The following CDR2 variants were observed in gnomAD, a reference collection of about 807,000 sequenced individuals.
CDR2 encodes the protein cerebellar degeneration-related protein 2.
CDR2 carries 34 observed loss-of-function variants against 48.4 expected under a neutral mutation model. That is an observed-to-expected ratio of 0.70 (90% CI 0.53 to 0.94). The LOEUF is 0.94. CDR2 is among the 40% of genes least tolerant of loss of function. The pLI, the probability that CDR2 is intolerant of heterozygous loss-of-function variation, is 0.00. For missense variants in CDR2, 498 were observed against 549.5 expected (o/e 0.91, Z 0.94); for synonymous variants, 240 against 219.7 (o/e 1.09, Z -0.82).
rs1395294833 is a variant in CDR2 at position 22,374,509 on chromosome 16, C to G, written c.-200G>C. The G allele has an allele frequency of 8.7e-6, 2 of 229,976 alleles. No homozygotes were observed. The highest frequency in any genetic ancestry group is 1.7e-5 in the Non-Finnish European group (2 of 119,838). 14.2% of individuals were successfully genotyped at this position (229,976 alleles called of 1,614,324 possible). On this transcript the variant is annotated 5_prime_UTR_variant, in exon 1 of 5. Transcript: ENST00000268383. ...GCCGGCTGCCTCGACTCGCCTCGCG[C>G]CTACCGACGGCCCCAACGGCCGGGC...
chr16:22,360,568 G>C (rs1369732831), intron 2 of CDR2, among the ~76,000 whole-genome samples: 3 of 151,758 alleles, frequency 2.0e-5, no homozygotes, highest in Non-Finnish European at 4.4e-5. Context: ...AGAATCTTAG[G>C]GATCTTGTCC....
intron 2 of CDR2, among the ~76,000 whole-genome samples, chr16:22,355,399 G>C (rs918788881): frequency 6.6e-6 from 1 of 152,242 alleles, no homozygotes; most frequent in Non-Finnish European, 1.5e-5. Flanking sequence ...GCAGTTCTTA[G>C]CCTGGGGTCC....
At chr16:22,358,239 A>T (rs2048989094) in intron 2 of CDR2, among the ~76,000 whole-genome samples, 1 of 152,176 alleles carries the variant, frequency 6.6e-6, no homozygotes, top group Non-Finnish European at 1.5e-5. Context: ...TCTCTTTGAT[A>T]CACAGCCTCC....
intron 4 of CDR2, among the ~76,000 whole-genome samples, chr16:22,348,995 A>C (rs1172351519): frequency 6.6e-6 from 1 of 152,172 alleles, no homozygotes; most frequent in African/African-American, 2.4e-5. Flanking sequence ...TCTTCACTCT[A>C]ATGTAAAACA....
chr16:22,351,178 C>T (rs2048939180), intron 2 of CDR2, among the ~76,000 whole-genome samples: 1 of 152,170 alleles, frequency 6.6e-6, no homozygotes, highest in South Asian at 2.1e-4. Flanking sequence ...CATGTCCCTG[C>T]AAAGGACATG....
intron 2 of CDR2, among the ~76,000 whole-genome samples, chr16:22,361,365 T>G (rs187474915): frequency 6.6e-6 from 1 of 152,378 alleles, no homozygotes; most frequent in African/African-American, 2.4e-5. Context: ...AGGGCCCTTA[T>G]AAAGTTTAGG....
At chr16:22,354,766 C>T (rs1218607091) in intron 2 of CDR2, among the ~76,000 whole-genome samples, 4 of 151,790 alleles carry the variant, frequency 2.6e-5, no homozygotes, top group East Asian at 1.9e-4. Context: ...TGGTGGCACA[C>T]GCCTGTAGTC....
chr16:22,368,585 C>T (rs1351649956), intron 1 of CDR2, among the ~76,000 whole-genome samples: 1 of 152,158 alleles, frequency 6.6e-6, no homozygotes, highest in African/African-American at 2.4e-5. Flanking sequence ...ATGAGACAGC[C>T]TGAAGCACAA....
chr16:22,374,176 G>T, intron 1 of CDR2, 55 bp downstream of exon 1: 2 of 1,173,540 alleles, frequency 1.7e-6, no homozygotes, highest in East Asian at 2.7e-5. Context: ...CAGTTTCGCA[G>T]CGGGGGCCTC....
At chr16:22,365,275 TG>T in intron 1 of CDR2, 1 of 316,420 alleles carries the variant, frequency 3.2e-6, no homozygotes, top group Non-Finnish European at 5.9e-6. Context: ...TGTTCAGGAA[TG>T]ATCATTCCGC....
chr16:22,358,015 A>T (rs540912820), intron 2 of CDR2, among the ~76,000 whole-genome samples: 63 of 152,324 alleles, frequency 4.1e-4, no homozygotes, highest in Non-Finnish European at 8.4e-4. Context: ...CTTCTCCAAG[A>T]TTCAGTTATA....
At chr16:22,359,282 AC>A (rs752566090) in intron 2 of CDR2, among the ~76,000 whole-genome samples, 1 of 151,890 alleles carries the variant, frequency 6.6e-6, no homozygotes, top group Non-Finnish European at 1.5e-5. Context: ...GCCCGCCACC[AC>A]GCCCAGCTAA....
intron 1 of CDR2, among the ~76,000 whole-genome samples, chr16:22,368,385 T>C (rs1376437290): frequency 2.0e-5 from 3 of 152,112 alleles, no homozygotes; most frequent in Non-Finnish European, 4.4e-5. Flanking sequence ...AATTTTTGTA[T>C]TGTTAGTAGA....
At chr16:22,371,848 A>G (rs1298025419) in intron 1 of CDR2, among the ~76,000 whole-genome samples, 8 of 148,554 alleles carry the variant, frequency 5.4e-5, no homozygotes, top group South Asian at 2.2e-4. Context: ...AGGTTCAGAT[A>G]TGTGTGTGTG....
In CDR2 at chr16:22,349,451, GAACA is replaced by G; in HGVS notation, c.342-12_342-9del. Reference sequence around the variant, plus strand: ...TCAATCGTTTCAGTCAGGCTGTGAGGAACAGACAGAAGCCACTGCTGCTTGTCAT... The same window carrying G: ...TCAATCGTTTCAGTCAGGCTGTGAGGGACAGAAGCCACTGCTGCTTGTCAT... On this transcript the variant is annotated splice_polypyrimidine_tract_variant and intron_variant, in intron 3 of 4. Transcript: ENST00000268383. The G allele has an allele frequency of 6.2e-7, 1 of 1,613,960 alleles. No homozygotes were observed. Among genetic ancestry groups the G allele is most frequent in the Non-Finnish European group, 8.5e-7 (1 of 1,179,944 alleles).
intron 2 of CDR2, among the ~76,000 whole-genome samples, chr16:22,363,798 C>A (rs923688556): frequency 1.3e-5 from 2 of 152,144 alleles, no homozygotes; most frequent in Admixed American, 1.3e-4. Context: ...CCGTGATTAT[C>A]TTTACAGTCA....
At position 22,346,957 on chromosome 16, in the gene CDR2, A is replaced by C. The variant is rs1473753872; in HGVS notation, c.*8T>G. 1.2e-6 allele frequency: 2 copies of C among 1,603,488 alleles called. No homozygotes were observed. Among genetic ancestry groups the C allele is most frequent in the East Asian group, 2.2e-5 (1 of 44,604 alleles). On this transcript the variant is annotated 3_prime_UTR_variant, in exon 5 of 5. Coordinates refer to ENST00000268383, the MANE Select transcript of CDR2 (RefSeq NM_001802.2). ...ATAGGCAAATTAGTAGTAGAGCTAG[A>C]GGTTCAATTAAGAATGAGAGGAGAG...
chr16:22,350,277 CAT>C (rs1038063441), intron 2 of CDR2, among the ~76,000 whole-genome samples: 5 of 152,172 alleles, frequency 3.3e-5, no homozygotes, highest in African/African-American at 1.2e-4. Context: ...GTGGGGCTGA[CAT>C]AGAGTCTCCA....
rs1385906989 is a variant in CDR2 at position 22,349,359 on chromosome 16, C to T, written c.426G>A (p.Gly142=). The change falls in exon 4 of 5, where the codon GGG becomes GGA. Residue 142 remains glycine, a synonymous_variant. Coordinates refer to ENST00000268383, the MANE Select transcript of CDR2 (RefSeq NM_001802.2). ...QVEELKSSGQ[G]RRSPGKCDQE... is the part of the protein sequence containing the mutation. ...GGTCACACTTTCCCGGGCTCCTTCT[C>T]CCTTGGCCAGATGACTTCAGCTCCT... The T allele has an allele frequency of 3.1e-6, 5 of 1,614,032 alleles. No individual in the cohort carries two copies. In the African/African-American group the frequency reaches 6.7e-5, roughly 22 times the overall value.
Sources: gnomAD v4.1 joint callset for allele counts (sites outside exome capture counted in the v4.1 genomes callset) on GRCh38, gnomAD v4.1.1 for gene constraint, MANE v1.5 for transcripts, NCBI Gene and HGNC (gene_info 2026-07-23, HGNC 2026-07-21) for gene names.